The following GRM1 variants were observed in gnomAD, a reference collection of about 807,000 sequenced individuals.
GRM1 encodes glutamate metabotropic receptor 1.
GRM1 carries 33 observed loss-of-function variants against 90.9 expected under a neutral mutation model. The ratio of observed to expected loss-of-function variants is 0.36; its 90% confidence interval spans 0.28 to 0.49. The LOEUF is 0.49. Among genes scored for constraint, GRM1 ranks in the 20% least tolerant of loss-of-function variants. The pLI is 0.99. For missense variants in GRM1, 1,190 were observed against 1,534.3 expected (o/e 0.78, Z 3.75); for synonymous variants, 700 against 613.2 (o/e 1.14, Z -2.09).
chr6:146,304,482 A>G (rs1783504704), intron 2 of GRM1, 129 bp from the exon 3 acceptor site: 6 of 730,476 alleles, frequency 8.2e-6, no homozygotes, highest in Non-Finnish European at 1.5e-5. Context: ...AAAAAAGTTG[A>G]TGGGTAGTAA....
chr6:146,105,876 A>G (rs547904623), intron 1 of GRM1, among the ~76,000 whole-genome samples: 1 of 152,296 alleles, frequency 6.6e-6, no homozygotes, highest in East Asian at 1.9e-4. Context: ...ACTCAATGTC[A>G]GTACCCAGGT....
intron 3 of GRM1, among the ~76,000 whole-genome samples, chr6:146,309,400 A>G (rs902694878): frequency 5.7e-4 from 83 of 146,766 alleles, no homozygotes; most frequent in Non-Finnish European, 1.1e-3. Flanking sequence ...CTCTGTCTCA[A>G]AAAAAAAAAA....
chr6:146,435,089 C>T lies in GRM1; in HGVS notation c.*293C>T. On this transcript the variant is annotated 3_prime_UTR_variant, in exon 8 of 8. Coordinates refer to ENST00000282753, the MANE Select transcript of GRM1 (RefSeq NM_001278064.2). ...ATTCCATATGGTATGTAACTTTTAT[C>T]ACAAATCAAATAGTGACATCACAAA... is the stretch of plus-strand genomic sequence containing the variant. The T allele has an allele frequency of 1.9e-6, 1 of 535,840 alleles. No individual in the cohort carries two copies. Among genetic ancestry groups the T allele is most frequent in the Non-Finnish European group, 3.4e-6 (1 of 296,500 alleles). 33.2% of individuals were successfully genotyped at this position (535,840 alleles called of 1,614,324 possible).
intron 1 of GRM1, among the ~76,000 whole-genome samples, chr6:146,147,640 C>G (rs1340658188): frequency 6.6e-6 from 1 of 152,176 alleles, no homozygotes; most frequent in African/African-American, 2.4e-5. Flanking sequence ...TAATTATTCT[C>G]TCTGCTTCTA....
At chr6:146,185,833 G>T (rs1165468658) in intron 2 of GRM1, among the ~76,000 whole-genome samples, 1 of 152,126 alleles carries the variant, frequency 6.6e-6, no homozygotes, top group African/African-American at 2.4e-5. Flanking sequence ...GATACTTTGA[G>T]CCACTTAGGC....
At chr6:146,278,623 A>G (rs1782457841) in intron 2 of GRM1, among the ~76,000 whole-genome samples, 1 of 152,138 alleles carries the variant, frequency 6.6e-6, no homozygotes, top group South Asian at 2.1e-4. Flanking sequence ...TAAAAATACA[A>G]AAATACAAAA....
At chr6:146,149,093 G>T (rs752417102) in intron 1 of GRM1, among the ~76,000 whole-genome samples, 4 of 152,144 alleles carry the variant, frequency 2.6e-5, no homozygotes, top group African/African-American at 7.2e-5. Context: ...TGAAGTTAGA[G>T]AATCAATGAA....
chr6:146,322,589 A>C (rs186347152), intron 3 of GRM1, among the ~76,000 whole-genome samples: 66 of 148,766 alleles, frequency 4.4e-4, no homozygotes, highest in African/African-American at 1.6e-3. Flanking sequence ...ATTTTATTTT[A>C]TTTTATTTTA....
intron 1 of GRM1, among the ~76,000 whole-genome samples, chr6:146,062,508 A>C (rs1414417871): frequency 2.0e-5 from 3 of 151,618 alleles, no homozygotes; most frequent in African/African-American, 7.3e-5. Flanking sequence ...AATAAAATAA[A>C]ATAAAATAAA....
intron 1 of GRM1, among the ~76,000 whole-genome samples, chr6:146,042,387 C>G (rs554127655): frequency 6.6e-5 from 10 of 152,016 alleles, no homozygotes; most frequent in African/African-American, 2.4e-4. Context: ...TAAAATAATC[C>G]TTTAGGAGGG....
intron 7 of GRM1, among the ~76,000 whole-genome samples, chr6:146,405,188 C>A (rs1284445348): frequency 6.6e-6 from 1 of 152,018 alleles, no homozygotes; most frequent in African/African-American, 2.4e-5. Flanking sequence ...CCATAAGATT[C>A]TTAGAAATTT....
intron 5 of GRM1, among the ~76,000 whole-genome samples, chr6:146,375,097 T>G (rs1466973470): frequency 6.6e-6 from 1 of 152,062 alleles, no homozygotes; most frequent in East Asian, 1.9e-4. Context: ...TTCAATAAAT[T>G]TTTCAATTTC....
intron 7 of GRM1, among the ~76,000 whole-genome samples, chr6:146,415,071 A>G (rs1777727451): frequency 6.6e-6 from 1 of 152,224 alleles, no homozygotes; most frequent in Admixed American, 6.5e-5. Flanking sequence ...AGCCATCCAT[A>G]GACTGGGTGG....
At chr6:146,141,011 T>C (rs1021479377) in intron 1 of GRM1, among the ~76,000 whole-genome samples, 2 of 152,210 alleles carry the variant, frequency 1.3e-5, no homozygotes, top group African/African-American at 4.8e-5. Context: ...ATTAATTTTG[T>C]TTTCTCTCAG....
intron 3 of GRM1, among the ~76,000 whole-genome samples, chr6:146,338,829 T>C (rs1784868907): frequency 6.6e-6 from 1 of 152,148 alleles, no homozygotes; most frequent in Non-Finnish European, 1.5e-5. Flanking sequence ...GTATCTCCTC[T>C]CTGTTTGCAC....
At chr6:146,390,529 G>A (rs1404790779) in intron 6 of GRM1, among the ~76,000 whole-genome samples, 1 of 151,010 alleles carries the variant, frequency 6.6e-6, no homozygotes, top group African/African-American at 2.4e-5. Context: ...TAATTTATTT[G>A]TAGAAGTAAA....
intron 2 of GRM1, among the ~76,000 whole-genome samples, chr6:146,201,125 G>A (rs972654157): frequency 2.8e-4 from 43 of 152,150 alleles, no homozygotes; most frequent in African/African-American, 1.0e-3. Context: ...TTTAAGGGAT[G>A]TTCAGTGAAA....
chr6:146,173,048 G>A (rs1235759852), intron 2 of GRM1, among the ~76,000 whole-genome samples: 1 of 152,054 alleles, frequency 6.6e-6, no homozygotes, highest in Non-Finnish European at 1.5e-5. Context: ...GGTAATAAAC[G>A]GATTCAGAAG....
chr6:146,082,444 C>G (rs377620237), intron 1 of GRM1, among the ~76,000 whole-genome samples: 1 of 152,294 alleles, frequency 6.6e-6, no homozygotes, highest in East Asian at 1.9e-4. Flanking sequence ...GCATGAGCCA[C>G]CATGCCTGGC....
Sources: gnomAD v4.1 joint callset for allele counts (sites outside exome capture counted in the v4.1 genomes callset) on GRCh38, gnomAD v4.1.1 for gene constraint, MANE v1.5 for transcripts, NCBI Gene and HGNC (gene_info 2026-07-23, HGNC 2026-07-21) for gene names.